CDH18: variants seen among roughly 807,000 people sequenced by gnomAD.
CDH18 encodes the protein cadherin-18.
A neutral mutation model predicts 67.9 loss-of-function variants in CDH18; 31 were observed. The observed-to-expected ratio is 0.46, with a 90% confidence interval of 0.34 to 0.62. The LOEUF is 0.62. Ranked by LOEUF, CDH18 falls within the 20% of genes least tolerant of loss-of-function variation. The pLI, the probability that CDH18 is intolerant of heterozygous loss-of-function variation, is 0.01. For missense variants in CDH18, 890 were observed against 975.5 expected (o/e 0.91, Z 1.17); for synonymous variants, 362 against 347.2 (o/e 1.04, Z -0.48).
In CDH18 at chr5:19,568,617, C is replaced by G. The variant is rs572431571; in HGVS notation, c.1253+2962G>C. Among the ~76,000 whole-genome samples the G allele has an allele frequency of 5.3e-5, 8 of 152,120 alleles. No individual in the cohort carries two copies. In the East Asian group the frequency reaches 1.5e-3, roughly 29 times the overall value. On this transcript the variant is annotated intron_variant, in intron 8 of 12. Transcript: ENST00000382275. Reference sequence around the variant, plus strand: ...ACATTCATTGTGTGATGTGTGCTCTCGTAAAAAGAAATGGAAGAGTTTGCT... The same window carrying G: ...ACATTCATTGTGTGATGTGTGCTCTGGTAAAAAGAAATGGAAGAGTTTGCT...
chr5:20,438,950 A>G (rs905609852), intron 1 of CDH18, among the ~76,000 whole-genome samples: 1 of 151,560 alleles, frequency 6.6e-6, no homozygotes, highest in Admixed American at 6.6e-5. Context: ...CATAAGTTCC[A>G]TGCCTTTTTA....
intron 2 of CDH18, among the ~76,000 whole-genome samples, chr5:20,098,143 T>A (rs1207147569): frequency 6.6e-6 from 1 of 152,012 alleles, no homozygotes; most frequent in Non-Finnish European, 1.5e-5. Context: ...TTAAATCAAA[T>A]AAAGTAGAAT....
intron 1 of CDH18, among the ~76,000 whole-genome samples, chr5:20,282,931 T>A (rs1215300737): frequency 2.0e-5 from 3 of 151,846 alleles, no homozygotes; most frequent in African/African-American, 7.3e-5. Flanking sequence ...CACAGACCAA[T>A]GCATCAAAAT....
chr5:20,459,411 T>C (rs970810485), intron 1 of CDH18, among the ~76,000 whole-genome samples: 2 of 152,198 alleles, frequency 1.3e-5, no homozygotes, highest in African/African-American at 4.8e-5. Context: ...TGTCTTTGTG[T>C]TTTCTCTGGA....
intron 2 of CDH18, among the ~76,000 whole-genome samples, chr5:19,976,905 A>C (rs1233085452): frequency 6.6e-6 from 1 of 152,144 alleles, no homozygotes; most frequent in Non-Finnish European, 1.5e-5. Context: ...AGTAAGGATT[A>C]AGTAGAGTAG....
intron 2 of CDH18, among the ~76,000 whole-genome samples, chr5:20,011,421 C>T (rs1426152802): frequency 2.6e-5 from 4 of 152,272 alleles, no homozygotes; most frequent in African/African-American, 9.6e-5. Flanking sequence ...TTGACTTCCT[C>T]TCTTCCTATT....
At chr5:20,330,067 A>G (rs961270282) in intron 1 of CDH18, among the ~76,000 whole-genome samples, 5 of 152,172 alleles carry the variant, frequency 3.3e-5, no homozygotes, top group Non-Finnish European at 7.4e-5. Flanking sequence ...TTTAAAATAA[A>G]GTAAAAAATA....
intron 8 of CDH18, 29 bp downstream of exon 8, chr5:19,571,550 T>C (rs763740741): frequency 1.9e-6 from 3 of 1,581,668 alleles, no homozygotes; most frequent in South Asian, 2.3e-5. Flanking sequence ...AAAATCTTTC[T>C]ATGTCTAAAC....
At chr5:20,518,964 T>C (rs1244416738) in intron 1 of CDH18, among the ~76,000 whole-genome samples, 2 of 152,140 alleles carry the variant, frequency 1.3e-5, no homozygotes, top group African/African-American at 4.8e-5. Flanking sequence ...CAGTTTAAAG[T>C]AGCATGGATA....
chr5:19,863,347 G>T (rs1346620749), intron 2 of CDH18, among the ~76,000 whole-genome samples: 1 of 152,138 alleles, frequency 6.6e-6, no homozygotes, highest in Non-Finnish European at 1.5e-5. Flanking sequence ...TAGAAAACAA[G>T]GTTAACGCAG....
intron 3 of CDH18, among the ~76,000 whole-genome samples, chr5:19,783,804 A>G (rs1157364494): frequency 6.6e-6 from 1 of 152,198 alleles, no homozygotes; most frequent in Non-Finnish European, 1.5e-5. Context: ...ATTCTATAAG[A>G]CAAGAAAACA....
intron 2 of CDH18, among the ~76,000 whole-genome samples, chr5:20,102,605 T>A (rs1746570398): frequency 6.6e-6 from 1 of 152,170 alleles, no homozygotes; most frequent in South Asian, 2.1e-4. Context: ...AGAAGCTGGA[T>A]CTGATTGAGG....
At chr5:19,505,912 C>T (rs1390905615) in intron 10 of CDH18, among the ~76,000 whole-genome samples, 1 of 152,052 alleles carries the variant, frequency 6.6e-6, no homozygotes, top group Admixed American at 6.6e-5. Context: ...CCTCTTTGTA[C>T]CTCTGGTAGA....
chr5:19,779,084 TA>T (rs1196144826), intron 3 of CDH18, among the ~76,000 whole-genome samples: 2 of 152,184 alleles, frequency 1.3e-5, no homozygotes, highest in African/African-American at 4.8e-5. Context: ...GAGAATACTT[TA>T]AAAATTTTTA....
intron 2 of CDH18, among the ~76,000 whole-genome samples, chr5:20,005,392 T>A (rs1736805170): frequency 7.3e-6 from 1 of 137,172 alleles, no homozygotes; most frequent in Admixed American, 8.2e-5. Context: ...CATTTATATA[T>A]AAACAAAGTA....
intron 1 of CDH18, among the ~76,000 whole-genome samples, chr5:20,327,408 G>A (rs10075439): frequency 0.097 from 14,776 of 152,058 alleles, 1,182 homozygotes; most frequent in East Asian, 0.37. Context: ...GATTTACTAT[G>A]GCAAAACAGA....
At chr5:19,980,734 T>G (rs1264614113) in intron 2 of CDH18, among the ~76,000 whole-genome samples, 41 of 152,296 alleles carry the variant, frequency 2.7e-4, no homozygotes, top group Non-Finnish European at 5.9e-5. Flanking sequence ...GCATACAAAT[T>G]TGTATTTTAT....
intron 1 of CDH18, among the ~76,000 whole-genome samples, chr5:20,299,574 T>C (rs980877177): frequency 4.6e-5 from 7 of 151,496 alleles, no homozygotes; most frequent in African/African-American, 1.7e-4. Context: ...GCCTGGCCAA[T>C]ATGGTGAAAC....
At chr5:20,423,067 G>T (rs1263194201) in intron 1 of CDH18, among the ~76,000 whole-genome samples, 11 of 151,164 alleles carry the variant, frequency 7.3e-5, no homozygotes, top group Non-Finnish European at 5.9e-5. Flanking sequence ...GAAACACTAA[G>T]CACAGATAAA....
Sources: gnomAD v4.1 joint callset for allele counts (sites outside exome capture counted in the v4.1 genomes callset) on GRCh38, gnomAD v4.1.1 for gene constraint, MANE v1.5 for transcripts, NCBI Gene and HGNC (gene_info 2026-07-23, HGNC 2026-07-21) for gene names.